The following GRK5 variants were observed in gnomAD, a reference collection of about 807,000 sequenced individuals.
GRK5 encodes G protein-coupled receptor kinase 5.
GRK5 carries 40 observed loss-of-function variants against 78.4 expected under a neutral mutation model. The ratio of observed to expected loss-of-function variants is 0.51; its 90% CI spans 0.40 to 0.66. The LOEUF is 0.66. GRK5 is among the 30% of genes least tolerant of loss of function. The pLI, the probability that GRK5 is intolerant of heterozygous loss-of-function variation, is 0.00. For missense variants in GRK5, 598 were observed against 759.9 expected, an observed-to-expected ratio of 0.79 and a Z score of 2.50; for synonymous variants, 289 against 296.8, an observed-to-expected ratio of 0.97 and a Z score of 0.27.
chr10:119,342,436 T>C (rs2133786310), intron 2 of GRK5, among the ~76,000 whole-genome samples: 1 of 152,276 alleles, frequency 6.6e-6, no homozygotes, highest in Admixed American at 6.5e-5. Flanking sequence ...AGTTTCCTTA[T>C]CTGCAAAATG....
At chr10:119,231,953 A>G (rs1848838048) in intron 1 of GRK5, among the ~76,000 whole-genome samples, 1 of 152,222 alleles carries the variant, frequency 6.6e-6, no homozygotes, top group African/African-American at 2.4e-5. Flanking sequence ...TAGAACTACC[A>G]TATGATCCAG....
chr10:119,443,304 G>A (rs1164548531), intron 11 of GRK5, among the ~76,000 whole-genome samples: 1 of 152,174 alleles, frequency 6.6e-6, no homozygotes, highest in Non-Finnish European at 1.5e-5. Flanking sequence ...TGTTCTAGGC[G>A]AGGGGACATC....
In GRK5 at chr10:119,207,795, G is replaced by T; in HGVS notation, c.-123G>T. ...GCAGGAATAATGCGGTAGGCAAGGC[G>T]GGCTGCTGGCTCCCCCGGCTCCGGC... On this transcript the variant is annotated 5_prime_UTR_variant, in exon 1 of 16. Transcript: ENST00000392870. 2 of 904,402 alleles carry T rather than the reference G, an allele frequency of 2.2e-6. No individual in the cohort carries two copies. The highest frequency in any genetic ancestry group is 3.5e-5 in the South Asian group (2 of 57,682). 56.0% of individuals were successfully genotyped at this position (904,402 alleles called of 1,614,324 possible).
intron 1 of GRK5, among the ~76,000 whole-genome samples, chr10:119,265,751 C>T (rs568741787): frequency 6.6e-6 from 1 of 152,354 alleles, no homozygotes; most frequent in Non-Finnish European, 1.5e-5. Context: ...TCTGGAAGGG[C>T]GTATGCATAT....
At chr10:119,384,786 C>T (rs1851766414) in intron 3 of GRK5, among the ~76,000 whole-genome samples, 1 of 152,158 alleles carries the variant, frequency 6.6e-6, no homozygotes, top group Non-Finnish European at 1.5e-5. Context: ...CCCAGGTCTC[C>T]TGGCTCCCAG....
At chr10:119,208,075 C>G (rs905522759) in intron 1 of GRK5, 106 bp downstream of exon 1, 50 of 1,048,598 alleles carry the variant, frequency 4.8e-5, no homozygotes, top group Non-Finnish European at 6.5e-5. Context: ...TGCCCGCTGC[C>G]GGCGAGTGGG....
In GRK5 at chr10:119,253,260, A is replaced by G. The variant is rs1282322247; in HGVS notation, c.52+45291A>G. Among the ~76,000 whole-genome samples the G allele has an allele frequency of 6.6e-6, 1 of 152,200 alleles. No individual in the cohort carries two copies. Among genetic ancestry groups the G allele is most frequent in the Non-Finnish European group, 1.5e-5 (1 of 68,030 alleles). Reference sequence around the variant, plus strand: ...TGATAGAGTCCGAAATTTGAAGGACAAGCAAGGAAGATTGGAGCATCTGTG... The same window carrying G: ...TGATAGAGTCCGAAATTTGAAGGACGAGCAAGGAAGATTGGAGCATCTGTG... On this transcript the variant is annotated intron_variant, in intron 1 of 15. Transcript: ENST00000392870. This position sits in a 1 kb window ranked among gnomAD's most constrained non-coding sequence, Gnocchi z 5.7.
At chr10:119,235,610 CAAAA>C (rs1403398286) in intron 1 of GRK5, among the ~76,000 whole-genome samples, 3 of 152,058 alleles carry the variant, frequency 2.0e-5, no homozygotes, top group Non-Finnish European at 4.4e-5. Context: ...GGCTCAATAA[CAAAA>C]AGCATGAATC....
intron 2 of GRK5, among the ~76,000 whole-genome samples, chr10:119,346,728 A>AG (rs1168188368): frequency 6.6e-6 from 1 of 152,126 alleles, no homozygotes; most frequent in Non-Finnish European, 1.5e-5. Flanking sequence ...AAGACCATAC[A>AG]GGGACTGGAG....
chr10:119,212,947 A>G (rs1848512514), intron 1 of GRK5: 2 of 152,236 alleles, frequency 1.3e-5, no homozygotes, highest in Non-Finnish European at 2.9e-5. Context: ...GGAGCGAACT[A>G]TGCCTATTGG....
At chr10:119,234,110 A>C (rs963465031) in intron 1 of GRK5, among the ~76,000 whole-genome samples, 1 of 152,194 alleles carries the variant, frequency 6.6e-6, no homozygotes, top group Non-Finnish European at 1.5e-5. Context: ...TCATCACCAA[A>C]ATAGCTGTAA....
intron 3 of GRK5, among the ~76,000 whole-genome samples, chr10:119,394,204 A>G (rs1254330842): frequency 1.1e-3 from 21 of 19,114 alleles, no homozygotes; most frequent in Non-Finnish European, 1.7e-3. Flanking sequence ...GGGGGTGTGT[A>G]TCTGTGTGTG....
intron 2 of GRK5, among the ~76,000 whole-genome samples, chr10:119,347,207 G>A (rs1448118923): frequency 6.6e-6 from 1 of 152,130 alleles, no homozygotes; most frequent in Non-Finnish European, 1.5e-5. Flanking sequence ...AAACACCACA[G>A]TATTTCATGT....
At chr10:119,342,975 A>G (rs1461786219) in intron 2 of GRK5, among the ~76,000 whole-genome samples, 1 of 152,148 alleles carries the variant, frequency 6.6e-6, no homozygotes, top group East Asian at 1.9e-4. Flanking sequence ...GTGGGGTGAT[A>G]GCCAATCCCA....
chr10:119,399,021 C>T (rs1293412354), intron 4 of GRK5, among the ~76,000 whole-genome samples: 3 of 152,226 alleles, frequency 2.0e-5, no homozygotes, highest in Non-Finnish European at 2.9e-5. Flanking sequence ...TGTCCAGAAG[C>T]CCCTGCTGGC....
intron 4 of GRK5, 111 bp from the exon 5 acceptor site, chr10:119,423,055 A>T (rs370422099): frequency 4.1e-6 from 3 of 733,604 alleles, no homozygotes; most frequent in Non-Finnish European, 7.4e-6. Flanking sequence ...GGGCTGCCAG[A>T]TGTACCAGCA....
chr10:119,353,963 A>G (rs1484148611), intron 2 of GRK5, among the ~76,000 whole-genome samples: 1 of 60,206 alleles, frequency 1.7e-5, no homozygotes, highest in Non-Finnish European at 3.4e-5. Context: ...GAGGTGACTT[A>G]TACTTTATTA....
At chr10:119,309,874 C>G (rs1445397789) in intron 1 of GRK5, among the ~76,000 whole-genome samples, 2 of 152,184 alleles carry the variant, frequency 1.3e-5, no homozygotes, top group African/African-American at 4.8e-5. Flanking sequence ...CAAATCCCAG[C>G]TCAGCCTCTC....
chr10:119,368,063 T>C (rs1290068768), intron 2 of GRK5, among the ~76,000 whole-genome samples: 1 of 152,222 alleles, frequency 6.6e-6, no homozygotes, highest in East Asian at 1.9e-4. Flanking sequence ...TCCGTGGCTT[T>C]TGCTTGATTA....
Sources: gnomAD v4.1 joint callset for allele counts (sites outside exome capture counted in the v4.1 genomes callset) on GRCh38, gnomAD v4.1.1 for gene constraint, Gnocchi (gnomAD v3.1) non-coding constraint, MANE v1.5 for transcripts, NCBI Gene and HGNC (gene_info 2026-07-23, HGNC 2026-07-21) for gene names.